Variants in SH3PXD2A observed in about 807,000 individuals in gnomAD.
SH3PXD2A encodes SH3 and PX domains 2A.
In SH3PXD2A, 32 loss-of-function variants were observed where a neutral mutation model predicts 115.2. The ratio of observed to expected loss-of-function variants is 0.28; its 90% CI spans 0.21 to 0.37. The LOEUF (loss-of-function observed/expected upper bound fraction) is 0.37, where lower values mean the gene tolerates loss of function less well. SH3PXD2A is among the 10% of genes least tolerant of loss of function. The pLI, the probability that SH3PXD2A is intolerant of heterozygous loss-of-function variation, is 1.00. For synonymous variants in SH3PXD2A, 610 were observed against 629.1 expected, an observed-to-expected ratio of 0.97 and a Z score of 0.45; for missense variants, 1,328 against 1,498.7, an observed-to-expected ratio of 0.89 and a Z score of 1.88.
chr10:103,789,530 T>TACACACAC (rs72505791), intron 2 of SH3PXD2A, among the ~76,000 whole-genome samples: 108 of 145,206 alleles, frequency 7.4e-4, no homozygotes, highest in African/African-American at 2.6e-3. Context: ...TGTGTATACG[T>TACACACAC]ACACACACAC....
At position 103,602,078 on chromosome 10, in the gene SH3PXD2A, G is replaced by C. The variant is rs1397025949; in HGVS notation, c.3140C>G (p.Pro1047Arg). Reference protein sequence around the residue: ...ASQGSDSPLLPAQRNSIPVSP... With the variant: ...ASQGSDSPLLRAQRNSIPVSP... The stretch of plus-strand genomic sequence containing the variant: ...CACGGGTATGCTGTTGCGCTGGGCG[G>C]GCAGTAGGGGTGAGTCTGAACCCTG... Residue 1047 changes from proline to arginine, a missense_variant, in exon 15 of 15, where the codon CCC becomes CGC. Coordinates refer to ENST00000369774, the MANE Select transcript of SH3PXD2A (RefSeq NM_001394015.1). 2 of 1,601,144 alleles carry C rather than the reference G, an allele frequency of 1.2e-6. No homozygotes were observed. Among genetic ancestry groups the C allele is most frequent in the Admixed American group, 3.4e-5 (2 of 59,324 alleles).
At chr10:103,643,791 T>A (rs2036990810) in intron 8 of SH3PXD2A, among the ~76,000 whole-genome samples, 2 of 152,126 alleles carry the variant, frequency 1.3e-5, no homozygotes. Context: ...ACCACTGATC[T>A]TCTTCAGGTG....
intron 1 of SH3PXD2A, among the ~76,000 whole-genome samples, chr10:103,850,089 C>T (rs952339529): frequency 3.9e-5 from 6 of 152,204 alleles, no homozygotes; most frequent in African/African-American, 1.4e-4. Context: ...CCTAACAACA[C>T]TTCCCTAATT....
At chr10:103,785,444 CG>C (rs2038971716) in intron 2 of SH3PXD2A, among the ~76,000 whole-genome samples, 1 of 152,154 alleles carries the variant, frequency 6.6e-6, no homozygotes. Context: ...CCCCACTCTC[CG>C]GGGGTAGCCT....
In SH3PXD2A at chr10:103,613,006, GGCCCTC is replaced by G. The variant is rs1361926301; in HGVS notation, c.1099_1104del (p.Glu367_Gly368del). Reference sequence around the variant, plus strand: ...TCCTTCTTGGCAATGGGGGCCTCATGGCCCTCGCCTTCGGCTGGTGGAGTTTCCTTG... The same window carrying G: ...TCCTTCTTGGCAATGGGGGCCTCATGGCCTTCGGCTGGTGGAGTTTCCTTG... On this transcript the variant is annotated inframe_deletion, in exon 12 of 15. Transcript: ENST00000369774. 1.2e-6 allele frequency: 2 copies of G among 1,614,128 alleles called. No individual in the cohort carries two copies. Among genetic ancestry groups the G allele is most frequent in the Non-Finnish European group, 1.7e-6 (2 of 1,180,040 alleles).
chr10:103,618,030 G>A (rs1268425179), intron 10 of SH3PXD2A, among the ~76,000 whole-genome samples: 1 of 152,242 alleles, frequency 6.6e-6, no homozygotes, highest in African/African-American at 2.4e-5. Context: ...GGCAGCACTG[G>A]CCCAAGTGGC....
chr10:103,717,867 C>T (rs1048501477), intron 5 of SH3PXD2A, among the ~76,000 whole-genome samples: 3 of 152,056 alleles, frequency 2.0e-5, no homozygotes, highest in African/African-American at 7.2e-5. Context: ...AAGGGATTCT[C>T]AGGAGATCAG....
chr10:103,710,126 C>T (rs1169980808), intron 5 of SH3PXD2A, among the ~76,000 whole-genome samples: 1 of 150,676 alleles, frequency 6.6e-6, no homozygotes, highest in Non-Finnish European at 1.5e-5. Context: ...GGCACAGTAG[C>T]TCACACCTGT....
chr10:103,626,215 C>T (rs956817258), intron 9 of SH3PXD2A, among the ~76,000 whole-genome samples: 1 of 152,254 alleles, frequency 6.6e-6, no homozygotes, highest in Non-Finnish European at 1.5e-5. Flanking sequence ...GCCGAGTAAC[C>T]GACATTTAGG....
At chr10:103,819,228 G>A (rs762905443) in intron 1 of SH3PXD2A, among the ~76,000 whole-genome samples, 15 of 152,210 alleles carry the variant, frequency 9.9e-5, no homozygotes, top group Non-Finnish European at 1.8e-4. Flanking sequence ...AGTACTAAGG[G>A]ACAATGTGCT....
At chr10:103,724,985 CT>C (rs1407256012) in intron 4 of SH3PXD2A, among the ~76,000 whole-genome samples, 1 of 152,248 alleles carries the variant, frequency 6.6e-6, no homozygotes. Context: ...GGCATTCACA[CT>C]CCCTAAACAC....
intron 1 of SH3PXD2A, among the ~76,000 whole-genome samples, chr10:103,808,530 T>C (rs1336830453): frequency 6.6e-6 from 1 of 152,022 alleles, no homozygotes; most frequent in Non-Finnish European, 1.5e-5. Flanking sequence ...GCATTACAGA[T>C]GCGAGCTACC....
rs986422062 is a variant in SH3PXD2A, at chr10:103,595,038, G to A, written c.*6778C>T. ...ACTGGCTTTGGATTGGACAGTCAAA[G>A]GGAAGTGGGCAAAACCAGCTGAGAA... On this transcript the variant is annotated 3_prime_UTR_variant, in exon 15 of 15. Coordinates refer to ENST00000369774, the MANE Select transcript of SH3PXD2A (RefSeq NM_001394015.1). 1 of 152,212 alleles carries A rather than the reference G, an allele frequency of 6.6e-6. No homozygotes were observed. 9.4% of individuals were successfully genotyped at this position (152,212 alleles called of 1,614,324 possible).
At chr10:103,639,537 G>A (rs1355356490) in intron 8 of SH3PXD2A, among the ~76,000 whole-genome samples, 1 of 151,212 alleles carries the variant, frequency 6.6e-6, no homozygotes, top group Non-Finnish European at 1.5e-5. Flanking sequence ...TTGAACCTGG[G>A]AAGCGGAGGT....
In SH3PXD2A at chr10:103,762,093, C is replaced by T. The variant is rs910775311; in HGVS notation, c.229+5001G>A. On this transcript the variant is annotated intron_variant, in intron 3 of 14. Transcript: ENST00000369774. ...GCTGGAGTGCAGTGGCACAATCTTGCTCACTGTGACCTCTGCCTCCCAGGT... is the reference window on the plus strand; with the variant it reads ...GCTGGAGTGCAGTGGCACAATCTTGTTCACTGTGACCTCTGCCTCCCAGGT... Among the ~76,000 whole-genome samples the T allele has an allele frequency of 2.1e-5, 3 of 142,326 alleles. No homozygotes were observed. The East Asian group carries it at 6.1e-4, about 29-fold the overall frequency. 93.4% of individuals were successfully genotyped at this position (142,326 alleles called of 152,430 possible). A position where few individuals can be genotyped will look rare whatever the true frequency, so the allele number is the denominator to read the frequency against.
rs370497385 is a variant in SH3PXD2A, at chr10:103,817,833, T to A, written c.73-16471A>T. 4.6e-5 allele frequency among the ~76,000 whole-genome samples: 7 copies of A among 152,370 alleles called. No homozygotes were observed. The South Asian group carries it at 1.4e-3, about 32-fold the overall frequency. On this transcript the variant is annotated intron_variant, in intron 1 of 14. Coordinates refer to ENST00000369774, the MANE Select transcript of SH3PXD2A (RefSeq NM_001394015.1). ...CAGACACAAGCAACCACACATTATA[T>A]GATTCCATTTATATGAAATGTCCAG...
intron 6 of SH3PXD2A, among the ~76,000 whole-genome samples, chr10:103,678,829 TC>T (rs1175947044): frequency 1.4e-4 from 21 of 152,204 alleles, no homozygotes; most frequent in Admixed American, 2.6e-4. Context: ...ACGGCTGGGC[TC>T]TTCCTAACAA....
intron 9 of SH3PXD2A, among the ~76,000 whole-genome samples, chr10:103,626,027 G>A (rs527923178): frequency 6.6e-6 from 1 of 152,368 alleles, no homozygotes; most frequent in East Asian, 1.9e-4. Flanking sequence ...GAAGACAGGT[G>A]CAGGCTCAGC....
chr10:103,773,439 CTTTCT>C lies in SH3PXD2A; in HGVS notation c.154-6275_154-6271del, dbSNP rs200861514. ...GTGTGGTTTTTCTTCTCTTTTCTTT[CTTTCT>C]TTTTTTTTTTTTTGAGACGGAGTCT... On this transcript the variant is annotated intron_variant, in intron 2 of 14. Transcript: ENST00000369774. 9.6e-3 allele frequency among the ~76,000 whole-genome samples: 1,401 copies of C among 146,560 alleles called. 11 individuals are homozygous for C. Among genetic ancestry groups the C allele is most frequent in the Non-Finnish European group, 0.013 (881 of 67,054 alleles).
Sources: allele counts gnomAD v4.1 joint callset (sites outside exome capture counted in the v4.1 genomes callset), GRCh38; gene constraint gnomAD v4.1.1; transcripts MANE v1.5; gene names NCBI Gene and HGNC (gene_info 2026-07-23, HGNC 2026-07-21).